Variants in AUTS2 observed in about 807,000 individuals in gnomAD.
AUTS2 encodes activator of transcription and developmental regulator AUTS2, also known as autism susceptibility gene 2 protein.
A neutral mutation model predicts 112.4 loss-of-function variants in AUTS2; 17 were observed. That is an observed-to-expected ratio of 0.15 (90% CI 0.10 to 0.23). AUTS2 has a LOEUF of 0.23. Among genes scored for constraint, AUTS2 ranks in the 10% least tolerant of loss-of-function variants. AUTS2 has a pLI of 1.00. For missense variants in AUTS2, 1,510 were observed against 1,701.6 expected (o/e 0.89, Z 1.98); for synonymous variants, 751 against 702.7 (o/e 1.07, Z -1.09).
At chr7:70,150,597 G>A (rs1807378126) in intron 4 of AUTS2, among the ~76,000 whole-genome samples, 2 of 152,124 alleles carry the variant, frequency 1.3e-5, no homozygotes, top group Non-Finnish European at 2.9e-5. Context: ...TAAGCTTACT[G>A]TGTGGCACAT....
intron 5 of AUTS2, among the ~76,000 whole-genome samples, chr7:70,606,480 T>C (rs182147689): frequency 8.5e-5 from 13 of 152,140 alleles, no homozygotes; most frequent in Admixed American, 8.5e-4. Flanking sequence ...GGGGATACAG[T>C]GGTGAAAAAA....
chr7:69,844,608 A>G (rs1019630762), intron 1 of AUTS2, among the ~76,000 whole-genome samples: 2 of 152,312 alleles, frequency 1.3e-5, no homozygotes, highest in African/African-American at 4.8e-5. Context: ...CAAAATCTAC[A>G]TTTAAATGGA....
chr7:70,134,492 A>T, intron 3 of AUTS2, 44 bp from the exon 4 acceptor site: 1 of 1,598,082 alleles, frequency 6.3e-7, no homozygotes, highest in South Asian at 1.1e-5. Flanking sequence ...ACGTGTTAAA[A>T]ACCATTGCTG....
intron 4 of AUTS2, among the ~76,000 whole-genome samples, chr7:70,421,816 A>G (rs918466612): frequency 1.3e-5 from 2 of 152,218 alleles, no homozygotes; most frequent in Non-Finnish European, 2.9e-5. Context: ...TTCATTTTCT[A>G]ATAAGAGATT....
chr7:70,106,891 A>G (rs1219986589), intron 2 of AUTS2, among the ~76,000 whole-genome samples: 2 of 152,168 alleles, frequency 1.3e-5, no homozygotes, highest in East Asian at 1.9e-4. Flanking sequence ...GTGATCTTTA[A>G]CAACATAAGA....
At chr7:70,147,239 A>G (rs2129575865) in intron 4 of AUTS2, among the ~76,000 whole-genome samples, 1 of 152,158 alleles carries the variant, frequency 6.6e-6, no homozygotes, top group African/African-American at 2.4e-5. Context: ...AAAAAAGTAA[A>G]ATCATGACTC....
intron 5 of AUTS2, among the ~76,000 whole-genome samples, chr7:70,476,390 A>T (rs1046956918): frequency 6.6e-6 from 1 of 152,038 alleles, no homozygotes; most frequent in Non-Finnish European, 1.5e-5. Context: ...CAACCTTTCA[A>T]ATATATTAAG....
intron 5 of AUTS2, among the ~76,000 whole-genome samples, chr7:70,448,894 C>T (rs1796421775): frequency 6.6e-6 from 1 of 152,208 alleles, no homozygotes; most frequent in South Asian, 2.1e-4. Context: ...TGGACCTCCA[C>T]ATGCTCACAT....
At chr7:70,121,638 C>T (rs922483920) in intron 3 of AUTS2, among the ~76,000 whole-genome samples, 19 of 151,902 alleles carry the variant, frequency 1.3e-4, no homozygotes, top group Non-Finnish European at 2.5e-4. Flanking sequence ...CATTTTATAC[C>T]TAGTAGGATG....
intron 1 of AUTS2, among the ~76,000 whole-genome samples, chr7:69,720,745 A>G (rs1005904521): frequency 1.3e-5 from 2 of 152,222 alleles, no homozygotes; most frequent in African/African-American, 4.8e-5. Flanking sequence ...ATTCTGCCTA[A>G]GAAGTCAGAC....
chr7:69,609,595 T>G (rs1258148957), intron 1 of AUTS2, among the ~76,000 whole-genome samples: 2 of 152,242 alleles, frequency 1.3e-5, no homozygotes, highest in African/African-American at 4.8e-5. Flanking sequence ...ACATAATTTC[T>G]TTGTGTAAAA....
At chr7:70,082,590 T>A (rs1163839970) in intron 2 of AUTS2, among the ~76,000 whole-genome samples, 1 of 152,244 alleles carries the variant, frequency 6.6e-6, no homozygotes, top group Admixed American at 6.5e-5. Context: ...TTAATCCTAG[T>A]TGGAAACTTT....
chr7:70,151,852 C>T (rs971128971), intron 4 of AUTS2, among the ~76,000 whole-genome samples: 4 of 152,110 alleles, frequency 2.6e-5, no homozygotes, highest in Admixed American at 6.5e-5. Context: ...TACGAATTAC[C>T]AGACATTCAA....
intron 4 of AUTS2, among the ~76,000 whole-genome samples, chr7:70,343,844 G>A (rs762161956): frequency 2.0e-5 from 3 of 152,126 alleles, no homozygotes; most frequent in Non-Finnish European, 4.4e-5. Flanking sequence ...AGGAATTGCT[G>A]TTAGGAAAGG....
chr7:70,464,508 A>G (rs1251659436), intron 5 of AUTS2, among the ~76,000 whole-genome samples: 1 of 152,234 alleles, frequency 6.6e-6, no homozygotes, highest in Non-Finnish European at 1.5e-5. Flanking sequence ...TTCATAAATA[A>G]GGTCACTGAG....
intron 4 of AUTS2, among the ~76,000 whole-genome samples, chr7:70,214,810 G>T (rs533405166): frequency 1.3e-5 from 2 of 152,256 alleles, no homozygotes; most frequent in African/African-American, 4.8e-5. Context: ...TACTTTATGG[G>T]TTTATAGCTA....
At chr7:70,702,111 G>T (rs1432960743) in intron 6 of AUTS2, among the ~76,000 whole-genome samples, 4 of 152,214 alleles carry the variant, frequency 2.6e-5, no homozygotes. Flanking sequence ...GTTCTTTGCT[G>T]CACACAATTA....
At position 70,789,854 on chromosome 7, in the gene AUTS2, C is replaced by A; in HGVS notation, c.2638C>A (p.Leu880Met). ...CTCCACTGAACAGATCCGGGCTCAT[C>A]TGAACACTGAGGCTCGGGAGAAGGA... ...RSSTEQIRAHLNTEAREKDKP... is the reference protein window; with the variant it reads ...RSSTEQIRAHMNTEAREKDKP... Residue 880 changes from leucine to methionine, a missense_variant, in exon 19 of 19, where the codon CTG (leucine) becomes ATG (methionine). Coordinates refer to ENST00000342771, the MANE Select transcript of AUTS2 (RefSeq NM_015570.4). 6.2e-7 allele frequency: 1 copy of A among 1,614,200 alleles called. No individual in the cohort carries two copies.
intron 5 of AUTS2, among the ~76,000 whole-genome samples, chr7:70,497,492 A>G (rs990213932): frequency 9.2e-5 from 14 of 152,208 alleles, no homozygotes; most frequent in Admixed American, 8.5e-4. Context: ...TATGTAACTG[A>G]GAATACTTGG....
Sources: gnomAD v4.1 joint callset for allele counts (sites outside exome capture counted in the v4.1 genomes callset) on GRCh38, gnomAD v4.1.1 for gene constraint, MANE v1.5 for transcripts, NCBI Gene and HGNC (gene_info 2026-07-23, HGNC 2026-07-21) for gene names.